MCF2L: variants seen among roughly 807,000 people sequenced by gnomAD.
MCF2L encodes the protein MCF.2 cell line derived transforming sequence like.
MCF2L carries 97 observed loss-of-function variants against 153.4 expected under a neutral mutation model. The observed-to-expected ratio is 0.63, with a 90% CI of 0.54 to 0.75. MCF2L has a LOEUF of 0.75. Ranked by LOEUF, MCF2L falls within the 30% of genes least tolerant of loss-of-function variation. The pLI, the probability that MCF2L is intolerant of heterozygous loss-of-function variation, is 0.00. For missense variants in MCF2L, 1,347 were observed against 1,495.2 expected (o/e 0.90, Z 1.64); for synonymous variants, 659 against 632.2 (o/e 1.04, Z -0.64).
intron 2 of MCF2L, among the ~76,000 whole-genome samples, chr13:112,911,118 G>A (rs1023119594): frequency 6.6e-6 from 1 of 152,200 alleles, no homozygotes; most frequent in African/African-American, 2.4e-5. Flanking sequence ...AACCCCCGCG[G>A]GTCTTCGGGA....
chr13:113,045,240 C>T lies in MCF2L; in HGVS notation c.279-31C>T, dbSNP rs759021385. 2 of 1,567,256 alleles carry T rather than the reference C, an allele frequency of 1.3e-6. No individual in the cohort carries two copies. Among genetic ancestry groups the T allele is most frequent in the Non-Finnish European group, 1.8e-6 (2 of 1,137,556 alleles). On this transcript the variant is annotated intron_variant, in intron 3 of 29. Coordinates refer to ENST00000535094, the MANE Select transcript of MCF2L (RefSeq NM_001112732.3). This position sits in a 1 kb window ranked among gnomAD's most constrained non-coding sequence, Gnocchi z 4.2. The stretch of plus-strand genomic sequence containing the variant: ...GGGCAGCCGGCTTCCCACCTGCACA[C>T]ATTAACGGCGGCGTCTCTTCCTCAC...
At chr13:113,038,355 C>T (rs1427293376) in intron 3 of MCF2L, among the ~76,000 whole-genome samples, 1 of 151,714 alleles carries the variant, frequency 6.6e-6, no homozygotes. Context: ...GTCCCAGCTA[C>T]TCGGGAGGCT....
chr13:113,092,465 G>A (rs2035301588), intron 26 of MCF2L, among the ~76,000 whole-genome samples: 1 of 151,614 alleles, frequency 6.6e-6, no homozygotes, highest in South Asian at 2.1e-4. Context: ...TTTCCACCGT[G>A]GCCAGTGTGG....
rs1485843453 is a variant in MCF2L, at chr13:112,922,141, G to A, written c.169+19770G>A. ...CCCCTGCCAGAGGGCACTTTATATA[G>A]TAGTCGACTTTGTACAACCAAAACT... On this transcript the variant is annotated intron_variant, in intron 2 of 29. Transcript: ENST00000375608. Among the ~76,000 whole-genome samples the A allele has an allele frequency of 2.6e-5, 4 of 152,206 alleles. No homozygotes were observed. The East Asian group carries it at 5.8e-4, about 22-fold the overall frequency.
intron 7 of MCF2L, among the ~76,000 whole-genome samples, chr13:113,065,703 G>A (rs2032255376): frequency 6.6e-6 from 1 of 152,254 alleles, no homozygotes; most frequent in Non-Finnish European, 1.5e-5. Context: ...CCCGAGGACT[G>A]TGCCTCTGTG....
exon 2 of MCF2L, chr13:112,902,300 A>G: frequency 6.2e-7 from 1 of 1,612,920 alleles, no homozygotes; most frequent in South Asian, 1.1e-5. Context: ...GAGGAAACGG[A>G]TCACCAAATT....
chr13:113,010,944 A>G (rs1429701667), intron 1 of MCF2L, among the ~76,000 whole-genome samples: 2 of 152,214 alleles, frequency 1.3e-5, no homozygotes, highest in Non-Finnish European at 2.9e-5. Context: ...TGCGCTTCTT[A>G]GTCTTATGGC....
intron 2 of MCF2L, among the ~76,000 whole-genome samples, chr13:112,938,160 G>A (rs1468047170): frequency 2.3e-5 from 3 of 133,202 alleles, no homozygotes; most frequent in Non-Finnish European, 3.2e-5. Flanking sequence ...TCAGGTGAGC[G>A]CTGAGGGGTT....
intron 18 of MCF2L, among the ~76,000 whole-genome samples, chr13:113,084,310 C>T (rs1219430211): frequency 1.3e-5 from 2 of 151,940 alleles, no homozygotes; most frequent in African/African-American, 4.8e-5. Flanking sequence ...CCTCCTGTAC[C>T]CCAGGACCTC....
At chr13:112,982,607 G>A (rs1453191092) in intron 1 of MCF2L, among the ~76,000 whole-genome samples, 1 of 152,190 alleles carries the variant, frequency 6.6e-6, no homozygotes, top group African/African-American at 2.4e-5. Context: ...TGGGAGGCGG[G>A]CGTCACAGCT....
At chr13:112,942,739 T>G (rs1467900386) in intron 2 of MCF2L, among the ~76,000 whole-genome samples, 2 of 152,232 alleles carry the variant, frequency 1.3e-5, no homozygotes, top group African/African-American at 4.8e-5. Flanking sequence ...TAACCAAGTT[T>G]TGCCTGCAGG....
chr13:113,023,760 C>T (rs1282547174), intron 2 of MCF2L, among the ~76,000 whole-genome samples: 1 of 152,182 alleles, frequency 6.6e-6, no homozygotes, highest in African/African-American at 2.4e-5. Flanking sequence ...GTCCTCTGCT[C>T]AGCTGTGTCC....
intron 8 of MCF2L, among the ~76,000 whole-genome samples, chr13:113,066,942 C>G (rs1275770059): frequency 6.6e-6 from 1 of 152,252 alleles, no homozygotes; most frequent in Non-Finnish European, 1.5e-5. Context: ...CCCTGAGCTG[C>G]CTTCTCTGCC....
intron 2 of MCF2L, among the ~76,000 whole-genome samples, chr13:112,920,819 T>C (rs1056516846): frequency 4.6e-5 from 7 of 151,976 alleles, no homozygotes; most frequent in Non-Finnish European, 7.4e-5. Flanking sequence ...GGGCACAGAT[T>C]GGCTCACAAA....
chr13:112,931,845 C>T (rs894947635), intron 2 of MCF2L, among the ~76,000 whole-genome samples: 4 of 152,114 alleles, frequency 2.6e-5, no homozygotes, highest in Non-Finnish European at 4.4e-5. Context: ...CAGGAACCAC[C>T]GAACACTCCC....
intron 16 of MCF2L, 127 bp downstream of exon 16, chr13:113,081,406 C>A: frequency 1.0e-6 from 1 of 952,986 alleles, no homozygotes; most frequent in Non-Finnish European, 1.5e-6. Context: ...AGAGCGCCCA[C>A]AGCAGCCTGG....
intron 1 of MCF2L, among the ~76,000 whole-genome samples, chr13:113,010,579 G>A (rs982283833): frequency 5.3e-5 from 8 of 152,212 alleles, no homozygotes; most frequent in African/African-American, 1.9e-4. Flanking sequence ...GCTGTGGTCG[G>A]TGCTGGGGAT....
chr13:113,063,339 G>C (rs556032075), intron 5 of MCF2L, among the ~76,000 whole-genome samples: 1 of 151,694 alleles, frequency 6.6e-6, no homozygotes, highest in Admixed American at 6.6e-5. Context: ...ACAGTGTCCA[G>C]ACACCCCTGC....
At chr13:112,949,674 AAC>A in intron 2 of MCF2L, among the ~76,000 whole-genome samples, 1 of 152,094 alleles carries the variant, frequency 6.6e-6, no homozygotes, top group Non-Finnish European at 1.5e-5. Flanking sequence ...GACAAAATTT[AAC>A]ACACATTCAT....
Sources: allele counts gnomAD v4.1 joint callset (sites outside exome capture counted in the v4.1 genomes callset), GRCh38; gene constraint gnomAD v4.1.1; non-coding constraint Gnocchi (gnomAD v3.1); transcripts MANE v1.5; gene names NCBI Gene and HGNC (gene_info 2026-07-23, HGNC 2026-07-21).